The following PTPRQ variants were observed in gnomAD, a reference collection of about 807,000 sequenced individuals.
PTPRQ encodes protein tyrosine phosphatase receptor type Q.
A neutral mutation model predicts 246.0 loss-of-function variants in PTPRQ; 199 were observed. The ratio of observed to expected loss-of-function variants is 0.81; its 90% CI spans 0.72 to 0.91. The LOEUF is 0.91. Ranked by LOEUF, PTPRQ falls within the 40% of genes least tolerant of loss-of-function variation. PTPRQ has a pLI of 0.00. For missense variants in PTPRQ, 2,624 were observed against 2,528.4 expected (o/e 1.04, Z -0.81); for synonymous variants, 869 against 853.2 (o/e 1.02, Z -0.32).
intron 38 of PTPRQ, among the ~76,000 whole-genome samples, chr12:80,654,026 T>G (rs1900344203): frequency 6.6e-6 from 1 of 151,790 alleles, no homozygotes; most frequent in African/African-American, 2.4e-5. Context: ...TTTTTTTCTT[T>G]CTTTCTTTTT....
intron 25 of PTPRQ, among the ~76,000 whole-genome samples, chr12:80,576,277 G>T (rs1897277745): frequency 6.6e-6 from 1 of 151,972 alleles, no homozygotes; most frequent in Non-Finnish European, 1.5e-5. Context: ...GAGTAGCTGG[G>T]ACTATAGGCA....
intron 39 of PTPRQ, 113 bp downstream of exon 39, chr12:80,658,174 T>C (rs914851158): frequency 4.8e-5 from 30 of 619,764 alleles, no homozygotes; most frequent in Non-Finnish European, 6.6e-5. Flanking sequence ...TGGATCTTAA[T>C]ATGCTAGTTA....
chr12:80,527,882 C>T (rs1375117285), intron 17 of PTPRQ, among the ~76,000 whole-genome samples: 2 of 152,076 alleles, frequency 1.3e-5, no homozygotes, highest in South Asian at 4.1e-4. Flanking sequence ...TGGCTTGAAC[C>T]CAGGAGTTTG....
At chr12:80,496,635 ATTATT>A (rs1170758053) in intron 14 of PTPRQ, 104 bp downstream of exon 14, 6 of 1,348,860 alleles carry the variant, frequency 4.4e-6, no homozygotes, top group Non-Finnish European at 5.9e-6. Flanking sequence ...AAAATCCCTC[ATTATT>A]TTGTTTTATA....
Position 80,496,225 on chromosome 12 carries a change from T to C in PTPRQ, c.1991-25T>C, listed in dbSNP as rs370469425. The stretch of plus-strand genomic sequence containing the variant: ...CAAACATCAATAAAAATATAGGTAC[T>C]ACAAATGTTCTTTTCTTCCCCTAGA... On this transcript the variant is annotated intron_variant, in intron 13 of 44. Transcript: ENST00000644991. The C allele has an allele frequency of 3.1e-4, 482 of 1,547,358 alleles. 4 individuals are homozygous for C. The African/African-American group carries it at 6.0e-3, about 19-fold the overall frequency.
At chr12:80,607,825 C>A (rs1334807625) in intron 27 of PTPRQ, among the ~76,000 whole-genome samples, 1 of 150,712 alleles carries the variant, frequency 6.6e-6, no homozygotes, top group Admixed American at 6.6e-5. Flanking sequence ...CATTTAGGAT[C>A]ATTTTCATTG....
chr12:80,637,376 C>T (rs747606483), intron 35 of PTPRQ, among the ~76,000 whole-genome samples: 22 of 152,054 alleles, frequency 1.4e-4, no homozygotes, highest in Non-Finnish European at 2.9e-4. Flanking sequence ...TTACATATTG[C>T]ATTATTTGTA....
chr12:80,588,375 G>A lies in PTPRQ; in HGVS notation c.4532G>A (p.Arg1511Lys). Residue 1511 changes from arginine to lysine, a missense_variant, in exon 26 of 45, where the codon AGA becomes AAA. By Grantham distance (26) the Arg-to-Lys change is conservative. Coordinates refer to ENST00000644991, the MANE Select transcript of PTPRQ (RefSeq NM_001145026.2). ...VYGLKKFRWY[R>K]FQVAASTNAG... ...GGATTAAAGAAATTTAGATGGTATAGATTCCAAGTGGCTGCCAGCACCAAT... is the reference window on the plus strand; with the variant it reads ...GGATTAAAGAAATTTAGATGGTATAAATTCCAAGTGGCTGCCAGCACCAAT... 1.3e-6 allele frequency: 2 copies of A among 1,536,340 alleles called. No individual in the cohort carries two copies. The highest frequency in any genetic ancestry group is 1.2e-5 in the South Asian group (1 of 81,568).
In PTPRQ at chr12:80,496,121, T is replaced by C; in HGVS notation, c.1990+15T>C. 6.5e-7 allele frequency: 1 copy of C among 1,545,088 alleles called. No individual in the cohort carries two copies. The highest frequency in any genetic ancestry group is 2.0e-5 in the Admixed American group (1 of 49,396). The stretch of plus-strand genomic sequence containing the variant: ...TTCAGAAGATGGTAAGAATATCAAT[T>C]GCAGCTTTAATTTTTTTAAAAAAGT... On this transcript the variant is annotated intron_variant, in intron 13 of 44. Transcript: ENST00000644991.
intron 19 of PTPRQ, among the ~76,000 whole-genome samples, chr12:80,537,233 A>G (rs1413869495): frequency 6.6e-6 from 1 of 152,216 alleles, no homozygotes; most frequent in Non-Finnish European, 1.5e-5. Flanking sequence ...AAATAGCATC[A>G]ATACCTTCAC....
chr12:80,449,662 G>A (rs954311738), intron 3 of PTPRQ, among the ~76,000 whole-genome samples: 2 of 151,886 alleles, frequency 1.3e-5, no homozygotes, highest in Non-Finnish European at 2.9e-5. Context: ...TTTTTCTCAG[G>A]TTTGTCAAAG....
In PTPRQ at chr12:80,614,148, TA is replaced by T. The variant is rs545416265; in HGVS notation, c.5163+320del. Among the ~76,000 whole-genome samples, 266 of 150,396 alleles carry T rather than the reference TA, an allele frequency of 1.8e-3. 2 individuals carry two copies. Among genetic ancestry groups the T allele is most frequent in the Admixed American group, 3.1e-3 (46 of 15,016 alleles). Reference sequence around the variant, plus strand: ...TGATATATAAAGAGATAACTCTGCCTAAAAAAAAGCTATATGATTATGAATT... The same window carrying T: ...TGATATATAAAGAGATAACTCTGCCTAAAAAAAGCTATATGATTATGAATT... On this transcript the variant is annotated intron_variant, in intron 29 of 44. Coordinates refer to ENST00000644991, the MANE Select transcript of PTPRQ (RefSeq NM_001145026.2).
At chr12:80,674,230 A>C (rs1006042283) in intron 43 of PTPRQ, among the ~76,000 whole-genome samples, 6 of 152,126 alleles carry the variant, frequency 3.9e-5, no homozygotes, top group African/African-American at 1.4e-4. Flanking sequence ...GCCTGCTGTA[A>C]CTGTATTTTC....
Position 80,679,147 on chromosome 12 carries a change from CT to C in PTPRQ, c.*127del. 8.4e-7 allele frequency: 1 copy of C among 1,191,652 alleles called. No individual in the cohort carries two copies. Among genetic ancestry groups the C allele is most frequent in the Non-Finnish European group, 1.1e-6 (1 of 892,718 alleles). 73.8% of individuals were successfully genotyped at this position (1,191,652 alleles called of 1,614,324 possible). A position where few individuals can be genotyped will look rare whatever the true frequency, so the allele number is the denominator to read the frequency against. On this transcript the variant is annotated 3_prime_UTR_variant, in exon 45 of 45. Coordinates refer to ENST00000644991, the MANE Select transcript of PTPRQ (RefSeq NM_001145026.2). Reference sequence around the variant, plus strand: ...AATATCTATGCTTCTCTCACTGTGCCTTTCCAAACGGATTGAACATTTTAAG... The same window carrying C: ...AATATCTATGCTTCTCTCACTGTGCCTTCCAAACGGATTGAACATTTTAAG...
At chr12:80,482,477 T>G (rs1894104442) in intron 8 of PTPRQ, among the ~76,000 whole-genome samples, 1 of 151,610 alleles carries the variant, frequency 6.6e-6, no homozygotes, top group South Asian at 2.1e-4. Context: ...AAGGACTTCA[T>G]GTCTAAAACA....
chr12:80,557,929 T>G (rs2120903473), intron 25 of PTPRQ, among the ~76,000 whole-genome samples: 1 of 152,226 alleles, frequency 6.6e-6, no homozygotes, highest in South Asian at 2.1e-4. Flanking sequence ...TTCTATAATT[T>G]TTTCATTTTA....
rs1036605329 is a variant in PTPRQ, at chr12:80,510,462, GAA to G, written c.2678+21_2678+22del. 6.6e-7 allele frequency: 1 copy of G among 1,519,910 alleles called. No homozygotes were observed. The highest frequency in any genetic ancestry group is 8.8e-7 in the Non-Finnish European group (1 of 1,130,374). The allele number at this position is 1,519,910 out of a possible 1,614,324, so 94.2% of individuals were successfully genotyped here. ...ATGTCTGGTAATAATTTTTTTTTTG[GAA>G]ATAGTTCTGAGAACAGATATTAATC... is the stretch of plus-strand genomic sequence containing the variant. On this transcript the variant is annotated intron_variant, in intron 17 of 44. Transcript: ENST00000644991.
At chr12:80,448,079 T>C (rs1211176629) in intron 3 of PTPRQ, among the ~76,000 whole-genome samples, 1 of 152,132 alleles carries the variant, frequency 6.6e-6, no homozygotes, top group Non-Finnish European at 1.5e-5. Flanking sequence ...GAGTGTCTTG[T>C]AGTTCTCCTT....
At chr12:80,478,830 T>G (rs201723668) in intron 8 of PTPRQ, among the ~76,000 whole-genome samples, 2 of 151,522 alleles carry the variant, frequency 1.3e-5, no homozygotes, top group African/African-American at 2.4e-5. Flanking sequence ...TAGAGAAAAA[T>G]GAATAAAAAG....
Sources: allele counts gnomAD v4.1 joint callset (sites outside exome capture counted in the v4.1 genomes callset), GRCh38; gene constraint gnomAD v4.1.1; transcripts MANE v1.5; gene names NCBI Gene and HGNC (gene_info 2026-07-23, HGNC 2026-07-21).